The following FHIP1A variants were observed in gnomAD, a reference collection of about 807,000 sequenced individuals.
The protein encoded by FHIP1A is FHF complex subunit HOOK-interacting protein 1A.
FHIP1A carries 61 observed loss-of-function variants against 88.6 expected under a neutral mutation model. The observed-to-expected ratio is 0.69, with a 90% CI of 0.56 to 0.85. The LOEUF (loss-of-function observed/expected upper bound fraction) is 0.85, where lower values mean the gene tolerates loss of function less well. Ranked by LOEUF, FHIP1A falls within the 40% of genes least tolerant of loss-of-function variation. The pLI is 0.00. For synonymous variants in FHIP1A, 478 were observed against 496.0 expected (o/e 0.96, Z 0.48); for missense variants, 1,154 against 1,273.5 (o/e 0.91, Z 1.43).
At chr4:151,457,174 A>G (rs749006287) in intron 2 of FHIP1A, among the ~76,000 whole-genome samples, 20 of 152,170 alleles carry the variant, frequency 1.3e-4, no homozygotes, top group Non-Finnish European at 2.9e-4. Flanking sequence ...TAAATGATGT[A>G]TGTTAAGAAG....
intron 1 of FHIP1A, among the ~76,000 whole-genome samples, chr4:151,426,439 T>A (rs905137029): frequency 6.6e-6 from 1 of 152,192 alleles, no homozygotes; most frequent in Non-Finnish European, 1.5e-5. Context: ...ACATATTTCT[T>A]TGTGCTTCTC....
intron 3 of FHIP1A, among the ~76,000 whole-genome samples, chr4:151,525,520 G>T (rs1731597003): frequency 6.6e-6 from 1 of 152,212 alleles, no homozygotes; most frequent in Non-Finnish European, 1.5e-5. Context: ...GGACAGAGAA[G>T]GGGGTCTTGG....
chr4:151,410,039 T>C (rs1309084603), intron 1 of FHIP1A, among the ~76,000 whole-genome samples: 8 of 152,334 alleles, frequency 5.3e-5, no homozygotes, highest in African/African-American at 1.9e-4. Flanking sequence ...GTGTTTCCTC[T>C]GGCTCAACAA....
chr4:151,622,310 G>T (rs985823740), intron 7 of FHIP1A, among the ~76,000 whole-genome samples: 1 of 152,162 alleles, frequency 6.6e-6, no homozygotes, highest in African/African-American at 2.4e-5. Flanking sequence ...ATTACAGCAG[G>T]TGGAATCTCC....
At chr4:151,463,951 A>G (rs1175137185) in intron 2 of FHIP1A, among the ~76,000 whole-genome samples, 2 of 152,194 alleles carry the variant, frequency 1.3e-5, no homozygotes, top group Non-Finnish European at 2.9e-5. Context: ...AGATCTTCCT[A>G]CCAGACATGA....
At chr4:151,441,790 A>G (rs534394650) in intron 1 of FHIP1A, among the ~76,000 whole-genome samples, 26 of 152,214 alleles carry the variant, frequency 1.7e-4, no homozygotes, top group Non-Finnish European at 3.1e-4. Context: ...AATCTAGACA[A>G]TGGCCTTCCA....
chr4:151,656,550 C>T lies in FHIP1A; in HGVS notation c.2730+140C>T. 3 of 1,030,614 alleles carry T rather than the reference C, an allele frequency of 2.9e-6. No homozygotes were observed. Among genetic ancestry groups the T allele is most frequent in the South Asian group, 1.7e-5 (1 of 59,816 alleles). 63.8% of individuals were successfully genotyped at this position (1,030,614 alleles called of 1,614,324 possible). A position where few individuals can be genotyped will look rare whatever the true frequency, so the allele number is the denominator to read the frequency against. On this transcript the variant is annotated intron_variant, in intron 12 of 13. Coordinates refer to ENST00000435205, the MANE Select transcript of FHIP1A (RefSeq NM_001109977.3). The surrounding 1 kb of genome is among the most constrained non-coding windows in gnomAD (Gnocchi z 4.2). The stretch of plus-strand genomic sequence containing the variant: ...TTCCTTCCCTGTCCTATTAAGCTCA[C>T]TGTGTAGTTTATTCTAGACAAACTG...
intron 2 of FHIP1A, among the ~76,000 whole-genome samples, chr4:151,467,090 G>A (rs1429860781): frequency 6.6e-6 from 1 of 152,102 alleles, no homozygotes; most frequent in Non-Finnish European, 1.5e-5. Context: ...TCTGACAAAG[G>A]TCTAATATTC....
At chr4:151,659,276 C>G (rs1737364614) in intron 13 of FHIP1A, among the ~76,000 whole-genome samples, 1 of 152,160 alleles carries the variant, frequency 6.6e-6, no homozygotes. Context: ...AAGTCATACT[C>G]TTCCCCCACT....
chr4:151,635,316 G>A (rs530753133), intron 8 of FHIP1A, among the ~76,000 whole-genome samples: 1 of 151,934 alleles, frequency 6.6e-6, no homozygotes, highest in South Asian at 2.1e-4. Context: ...ACAGCATGGA[G>A]GTTTCCCAAG....
At chr4:151,434,448 T>G (rs1344707957) in intron 1 of FHIP1A, among the ~76,000 whole-genome samples, 2 of 152,202 alleles carry the variant, frequency 1.3e-5, no homozygotes, top group African/African-American at 4.8e-5. Flanking sequence ...CTTTGATAGC[T>G]TTAGGCAAGT....
At chr4:151,555,160 C>T (rs10017489) in intron 3 of FHIP1A, among the ~76,000 whole-genome samples, 5,140 of 152,168 alleles carry the variant, frequency 0.034, 297 homozygotes, top group African/African-American at 0.12. Context: ...ACTGGTGTAG[C>T]TCCTCTGATC....
At position 151,437,385 on chromosome 4, in the gene FHIP1A, A is replaced by G. The variant is rs371485498; in HGVS notation, c.-355-17316A>G. Reference sequence around the variant, plus strand: ...TTGAATATAAGAGCCAACATAGGCTATTTTCCTCTGTATCATATCTAAATA... The same window carrying G: ...TTGAATATAAGAGCCAACATAGGCTGTTTTCCTCTGTATCATATCTAAATA... On this transcript the variant is annotated intron_variant, in intron 1 of 13. Coordinates refer to ENST00000435205, the MANE Select transcript of FHIP1A (RefSeq NM_001109977.3). Among the ~76,000 whole-genome samples, 30 of 152,194 alleles carry G rather than the reference A, an allele frequency of 2.0e-4. 1 individual carries two copies. The highest frequency in any genetic ancestry group is 1.1e-3 in the Admixed American group (17 of 15,274).
intron 7 of FHIP1A, among the ~76,000 whole-genome samples, chr4:151,622,263 A>G (rs1444266929): frequency 2.0e-5 from 3 of 152,134 alleles, no homozygotes; most frequent in Non-Finnish European, 4.4e-5. Flanking sequence ...CTCCATCACC[A>G]CTTATTAAGA....
chr4:151,624,138 C>T (rs1429195744), intron 7 of FHIP1A, among the ~76,000 whole-genome samples: 2 of 152,154 alleles, frequency 1.3e-5, no homozygotes, highest in African/African-American at 4.8e-5. Context: ...TAGCATTTGA[C>T]AATATTCATG....
chr4:151,577,670 A>C lies in FHIP1A; in HGVS notation c.326A>C (p.Glu109Ala). 2 of 1,551,594 alleles carry C rather than the reference A, an allele frequency of 1.3e-6. No homozygotes were observed. Among genetic ancestry groups the C allele is most frequent in the Non-Finnish European group, 8.7e-7 (1 of 1,146,950 alleles). ...EKLFLWSLRREFTDETKIEQL... is the reference protein window; with the variant it reads ...EKLFLWSLRRAFTDETKIEQL... ...CTTTTCCTTTGGAGCTTGAGAAGGG[A>C]GTTTACTGATGAGACTAAAATTGAG... Residue 109 changes from glutamate to alanine, a missense_variant, in exon 5 of 14, where the codon GAG (glutamate) becomes GCG (alanine). Physicochemically the swap from Glu to Ala is moderately radical, Grantham distance 107. Transcript: ENST00000435205.
chr4:151,477,954 G>C (rs1365981860), intron 2 of FHIP1A, among the ~76,000 whole-genome samples: 3 of 152,026 alleles, frequency 2.0e-5, no homozygotes, highest in African/African-American at 7.2e-5. Flanking sequence ...ATTTATCCTA[G>C]ATACAAAAAC....
intron 2 of FHIP1A, among the ~76,000 whole-genome samples, chr4:151,465,421 A>AT (rs1468842769): frequency 2.6e-5 from 4 of 152,226 alleles, no homozygotes; most frequent in Admixed American, 2.6e-4. Flanking sequence ...AGACAGATTC[A>AT]TAGCTGAATT....
At chr4:151,432,672 G>A (rs1379743312) in intron 1 of FHIP1A, among the ~76,000 whole-genome samples, 1 of 152,200 alleles carries the variant, frequency 6.6e-6, no homozygotes, top group Admixed American at 6.5e-5. Context: ...TATGAACAAA[G>A]TGTGCTGGGT....
Sources: gnomAD v4.1 joint callset for allele counts (sites outside exome capture counted in the v4.1 genomes callset) on GRCh38, gnomAD v4.1.1 for gene constraint, Gnocchi (gnomAD v3.1) non-coding constraint, MANE v1.5 for transcripts, NCBI Gene and HGNC (gene_info 2026-07-23, HGNC 2026-07-21) for gene names.